Variants in ORC4 observed in about 807,000 individuals in gnomAD.
The protein encoded by ORC4 is origin recognition complex subunit 4.
ORC4 carries 55 observed loss-of-function variants against 63.9 expected under a neutral mutation model. The observed-to-expected ratio is 0.86, with a 90% CI of 0.69 to 1.08. The LOEUF (loss-of-function observed/expected upper bound fraction) is 1.08, where lower values mean the gene tolerates loss of function less well. Ranked by LOEUF, ORC4 falls within the 50% of genes least tolerant of loss-of-function variation. The pLI is 0.00. For synonymous variants in ORC4, 150 were observed against 168.5 expected, an observed-to-expected ratio of 0.89 and a Z score of 0.85; for missense variants, 511 against 504.4, an observed-to-expected ratio of 1.01 and a Z score of -0.13.
intron 4 of ORC4, among the ~76,000 whole-genome samples, chr2:147,970,687 A>C (rs1690161751): frequency 6.6e-6 from 1 of 152,028 alleles, no homozygotes; most frequent in Admixed American, 6.5e-5. Flanking sequence ...ACTCAAAATG[A>C]ATCACAGACC....
intron 4 of ORC4, among the ~76,000 whole-genome samples, chr2:147,970,985 A>G (rs562378087): frequency 5.3e-5 from 8 of 152,066 alleles, no homozygotes; most frequent in African/African-American, 1.9e-4. Flanking sequence ...TAAAAAAAAA[A>G]AATTAGCCAG....
At chr2:147,984,985 G>A (rs1691109357) in intron 1 of ORC4, among the ~76,000 whole-genome samples, 1 of 152,104 alleles carries the variant, frequency 6.6e-6, no homozygotes, top group Admixed American at 6.5e-5. Context: ...AGGGTTGCTT[G>A]TTGATAAATT....
intron 10 of ORC4, among the ~76,000 whole-genome samples, chr2:147,941,725 A>G (rs959634674): frequency 6.6e-6 from 1 of 151,982 alleles, no homozygotes; most frequent in Non-Finnish European, 1.5e-5. Context: ...GGCCGTTAAT[A>G]TTGACAATAC....
chr2:147,998,946 G>A (rs1302312613), intron 1 of ORC4, among the ~76,000 whole-genome samples: 1 of 152,050 alleles, frequency 6.6e-6, no homozygotes, highest in Non-Finnish European at 1.5e-5. Flanking sequence ...GAAAGGATGG[G>A]AACAGCTGTC....
chr2:147,988,418 G>A (rs368721270), intron 1 of ORC4, among the ~76,000 whole-genome samples: 2 of 151,594 alleles, frequency 1.3e-5, no homozygotes, highest in African/African-American at 2.4e-5. Flanking sequence ...GGAGTGCAAG[G>A]TTGCAATCTT....
At chr2:148,020,136 G>A (rs1290467574) in intron 1 of ORC4, among the ~76,000 whole-genome samples, 1 of 152,144 alleles carries the variant, frequency 6.6e-6, no homozygotes, top group African/African-American at 2.4e-5. Flanking sequence ...AGACTTCCCT[G>A]CCTGCTCCTT....
intron 7 of ORC4, among the ~76,000 whole-genome samples, chr2:147,955,136 G>GTA (rs1234613971): frequency 1.3e-5 from 2 of 151,820 alleles, no homozygotes; most frequent in Non-Finnish European, 2.9e-5. Flanking sequence ...ATAAAGATCA[G>GTA]TATATCATTG....
intron 1 of ORC4, among the ~76,000 whole-genome samples, chr2:148,014,050 A>T (rs892252774): frequency 1.3e-5 from 2 of 152,188 alleles, no homozygotes; most frequent in African/African-American, 4.8e-5. Flanking sequence ...ATGGTAAAAA[A>T]ATCAAAGCAC....
At chr2:148,006,775 C>T (rs1039755471) in intron 1 of ORC4, among the ~76,000 whole-genome samples, 1 of 152,194 alleles carries the variant, frequency 6.6e-6, no homozygotes, top group East Asian at 1.9e-4. Context: ...GTGGCAGTCA[C>T]GCAGGACTGG....
rs1393819399 is a variant in ORC4, at chr2:147,931,741, T to C, written c.*3769A>G. 4 of 152,192 alleles carry C rather than the reference T, an allele frequency of 2.6e-5. No individual in the cohort carries two copies. The highest frequency in any genetic ancestry group is 1.5e-5 in the Non-Finnish European group (1 of 68,014). The allele number at this position is 152,192 out of a possible 1,614,324, so 9.4% of individuals were successfully genotyped here. On this transcript the variant is annotated 3_prime_UTR_variant, in exon 14 of 14. Transcript: ENST00000392857. The stretch of plus-strand genomic sequence containing the variant: ...TCTCAATAGATGCAGAAAAAGCCTT[T>C]GACAAAATTCAACAACCCTTCATGC...
intron 1 of ORC4, among the ~76,000 whole-genome samples, chr2:148,012,739 A>T (rs1693043910): frequency 6.6e-6 from 1 of 152,116 alleles, no homozygotes. Context: ...ATCTCAAACG[A>T]CTCAATAGGA....
chr2:147,953,685 T>C (rs1479423936), intron 7 of ORC4, among the ~76,000 whole-genome samples: 2 of 152,218 alleles, frequency 1.3e-5, no homozygotes, highest in East Asian at 1.9e-4. Context: ...ATGCTTTTCA[T>C]GGGGAAAGTT....
chr2:147,942,933 T>TAA (rs1688447588), intron 10 of ORC4, among the ~76,000 whole-genome samples: 1 of 152,086 alleles, frequency 6.6e-6, no homozygotes, highest in African/African-American at 2.4e-5. Context: ...TGTATATATA[T>TAA]AATCAATCAC....
rs1419724822 is a variant in ORC4 at position 147,955,412 on chromosome 2, G to C, written c.388-17C>G. The C allele has an allele frequency of 6.3e-7, 1 of 1,577,004 alleles. No individual in the cohort carries two copies. The highest frequency in any genetic ancestry group is 8.7e-7 in the Non-Finnish European group (1 of 1,148,960). ...AAAGCTTCCCTGAACAACAAAATGAGATAAAATGATTAAAAGTTTAGTGAA... is the reference window on the plus strand; with the variant it reads ...AAAGCTTCCCTGAACAACAAAATGACATAAAATGATTAAAAGTTTAGTGAA... On this transcript the variant is annotated splice_polypyrimidine_tract_variant and intron_variant, in intron 6 of 13. Transcript: ENST00000392857.
chr2:147,944,105 C>A (rs1204965301), intron 9 of ORC4, among the ~76,000 whole-genome samples: 1 of 151,746 alleles, frequency 6.6e-6, no homozygotes, highest in Non-Finnish European at 1.5e-5. Flanking sequence ...TAAAGTGGGT[C>A]GGAATTATCT....
intron 1 of ORC4, among the ~76,000 whole-genome samples, chr2:148,019,484 CG>C (rs1352675813): frequency 6.6e-6 from 1 of 152,038 alleles, no homozygotes; most frequent in Non-Finnish European, 1.5e-5. Flanking sequence ...TTCAGCTACT[CG>C]GGAGGGTGAG....
intron 1 of ORC4, among the ~76,000 whole-genome samples, chr2:148,007,403 TA>T (rs1318725852): frequency 1.3e-5 from 2 of 152,056 alleles, no homozygotes; most frequent in African/African-American, 2.4e-5. Context: ...ACAAAGAGAC[TA>T]AAATGATGAA....
At chr2:148,019,006 A>C (rs1693492018) in intron 1 of ORC4, among the ~76,000 whole-genome samples, 2 of 152,092 alleles carry the variant, frequency 1.3e-5, no homozygotes, top group African/African-American at 2.4e-5. Flanking sequence ...AAAAAGACAC[A>C]AAATATTTAA....
At position 147,933,095 on chromosome 2, in the gene ORC4, C is replaced by T. The variant is rs2105240856; in HGVS notation, c.*2415G>A. 1 of 152,124 alleles carries T rather than the reference C, an allele frequency of 6.6e-6. No homozygotes were observed. Among genetic ancestry groups the T allele is most frequent in the East Asian group, 1.9e-4 (1 of 5,162 alleles). The allele number at this position is 152,124 out of a possible 1,614,324, so 9.4% of individuals were successfully genotyped here. ...GATCCCTTGGATTCAGATGTAAAAA[C>T]ACACTGAAATATTCCTCCTTTCACC... On this transcript the variant is annotated 3_prime_UTR_variant, in exon 14 of 14. Transcript: ENST00000392857.
Sources: allele counts gnomAD v4.1 joint callset (sites outside exome capture counted in the v4.1 genomes callset), GRCh38; gene constraint gnomAD v4.1.1; transcripts MANE v1.5; gene names NCBI Gene and HGNC (gene_info 2026-07-23, HGNC 2026-07-21).